SUSD1: variants seen among roughly 807,000 people sequenced by gnomAD.
SUSD1 encodes the protein sushi domain containing 1.
A neutral mutation model predicts 86.9 loss-of-function variants in SUSD1; 65 were observed. That is an observed-to-expected ratio of 0.75 (90% CI 0.61 to 0.92). SUSD1 has a LOEUF of 0.92. Among genes scored for constraint, SUSD1 ranks in the 40% least tolerant of loss-of-function variants. The pLI is 0.00. For missense variants in SUSD1, 850 were observed against 929.7 expected (o/e 0.91, Z 1.11); for synonymous variants, 346 against 350.0 (o/e 0.99, Z 0.13).
chr9:112,117,855 C>T (rs1831393385), intron 6 of SUSD1, among the ~76,000 whole-genome samples: 1 of 152,122 alleles, frequency 6.6e-6, no homozygotes. Context: ...AGAATGACAG[C>T]TGAAACTGGA....
intron 10 of SUSD1, among the ~76,000 whole-genome samples, chr9:112,086,518 GAA>G (rs769968031): frequency 2.4e-4 from 35 of 144,192 alleles, no homozygotes; most frequent in Non-Finnish European, 3.6e-4. Flanking sequence ...AAGAAAGAAA[GAA>G]AGAGAGAGAG....
Position 112,134,768 on chromosome 9 carries a change from T to A in SUSD1, c.706+7552A>T, listed in dbSNP as rs532424993. Among the ~76,000 whole-genome samples the A allele has an allele frequency of 5.6e-3, 808 of 143,314 alleles. 7 individuals carry two copies. Among genetic ancestry groups the A allele is most frequent in the African/African-American group, 0.018 (712 of 38,750 alleles). The allele number at this position is 143,314 out of a possible 152,430, so 94.0% of individuals were successfully genotyped here. On this transcript the variant is annotated intron_variant, in intron 5 of 16. Coordinates refer to ENST00000374270, the MANE Select transcript of SUSD1 (RefSeq NM_022486.5). ...ATCTAAAATAAAAGTTGAAATTATT[T>A]AAAAAAAAAAAAAATGTGGCCAGGC...
At chr9:112,121,902 G>C (rs532483318) in intron 6 of SUSD1, among the ~76,000 whole-genome samples, 1 of 152,224 alleles carries the variant, frequency 6.6e-6, no homozygotes, top group South Asian at 2.1e-4. Context: ...AATGAATCAT[G>C]TAGAAGTACA....
At position 112,080,080 on chromosome 9, in the gene SUSD1, C is replaced by G; in HGVS notation, c.1560G>C (p.Met520Ile). 6.2e-7 allele frequency: 1 copy of G among 1,610,930 alleles called. No individual in the cohort carries two copies. Among genetic ancestry groups the G allele is most frequent in the Non-Finnish European group, 8.5e-7 (1 of 1,177,282 alleles). Residue 520 changes from methionine (M) to isoleucine (I), a missense_variant, in exon 11 of 17, where the codon ATG becomes ATC. By Grantham distance (10) the Met-to-Ile change is conservative. Coordinates refer to ENST00000374270, the MANE Select transcript of SUSD1 (RefSeq NM_022486.5). ...RSIKTADMEE[M>I]YLFHIWGQRW... Reference sequence around the variant, plus strand: ...GTAACTTTCAGTCACTTACTAAATACATCTCCTCCATATCAGCTGTCTTGA... The same window carrying G: ...GTAACTTTCAGTCACTTACTAAATAGATCTCCTCCATATCAGCTGTCTTGA...
At chr9:112,162,358 T>C (rs1327607384) in intron 1 of SUSD1, among the ~76,000 whole-genome samples, 1 of 152,206 alleles carries the variant, frequency 6.6e-6, no homozygotes, top group African/African-American at 2.4e-5. Context: ...AAATTTCTCA[T>C]GATGCCATTG....
intron 5 of SUSD1, among the ~76,000 whole-genome samples, chr9:112,130,491 AGAGGAGAAGGAAAGGAGAGGG>A (rs1831974480): frequency 1.4e-5 from 2 of 147,256 alleles, no homozygotes; most frequent in Non-Finnish European, 3.0e-5. Flanking sequence ...AAGGAGAGGG[AGAGGAGAAGGAAAGGAGAGGG>A]AAGGAAAAGA....
At chr9:112,072,140 C>CTTTTTTTTTTTTTTTTTTTT in intron 12 of SUSD1, among the ~76,000 whole-genome samples, 40 of 121,170 alleles carry the variant, frequency 3.3e-4, no homozygotes, top group East Asian at 5.2e-4. Flanking sequence ...CTTTCTTTCT[C>CTTTTTTTTTTTTTTTTTTTT]TTTTTTTTTT....
chr9:112,132,058 C>T (rs1832056928), intron 5 of SUSD1, among the ~76,000 whole-genome samples: 1 of 152,102 alleles, frequency 6.6e-6, no homozygotes, highest in Non-Finnish European at 1.5e-5. Context: ...AGGAAATATT[C>T]CAGAAGGAAA....
At chr9:112,152,247 TTAGCTTACTG>T (rs896544206) in intron 2 of SUSD1, among the ~76,000 whole-genome samples, 82 of 152,164 alleles carry the variant, frequency 5.4e-4, no homozygotes, top group Non-Finnish European at 8.4e-4. Flanking sequence ...TAAATTAACT[TTAGCTTACTG>T]TAGCTTTTTT....
chr9:112,169,927 A>C lies in SUSD1; in HGVS notation c.103+5206T>G, dbSNP rs577468320. On this transcript the variant is annotated intron_variant, in intron 1 of 16. Coordinates refer to ENST00000374270, the MANE Select transcript of SUSD1 (RefSeq NM_022486.5). ...TGACCTCAGGTGATCCATCCACCCCAATCTCCCAAAGTGCTGGGATTATAG... is the reference window on the plus strand; with the variant it reads ...TGACCTCAGGTGATCCATCCACCCCCATCTCCCAAAGTGCTGGGATTATAG... Among the ~76,000 whole-genome samples the C allele has an allele frequency of 4.6e-5, 7 of 152,184 alleles. No individual in the cohort carries two copies. In the South Asian group the frequency reaches 1.2e-3, roughly 27 times the overall value.
chr9:112,063,030 G>A lies in SUSD1; in HGVS notation c.1757C>T (p.Pro586Leu). The A allele has an allele frequency of 6.2e-7, 1 of 1,607,948 alleles. No individual in the cohort carries two copies. The highest frequency in any genetic ancestry group is 8.5e-7 in the Non-Finnish European group (1 of 1,174,516). Residue 586 changes from proline (P) to leucine (L), a missense_variant, in exon 13 of 17, where the codon CCT (proline) becomes CTT (leucine). Coordinates refer to ENST00000374270, the MANE Select transcript of SUSD1 (RefSeq NM_022486.5). ...AAAAAATTCTACTTCCGGGAGGGGA[G>A]GCTCTGAAAACATGTTGAAAAGAAG... ...VISLTTQITEPPLPEVEFFTV... is the reference protein window; with the variant it reads ...VISLTTQITELPLPEVEFFTV...
intron 6 of SUSD1, among the ~76,000 whole-genome samples, chr9:112,118,699 G>C (rs943552993): frequency 2.0e-5 from 3 of 152,092 alleles, no homozygotes; most frequent in Admixed American, 2.0e-4. Flanking sequence ...TGGCCAGGCT[G>C]GTCTCAAATT....
chr9:112,051,611 A>G (rs1828216645), intron 15 of SUSD1, among the ~76,000 whole-genome samples: 1 of 151,412 alleles, frequency 6.6e-6, no homozygotes, highest in Non-Finnish European at 1.5e-5. Context: ...TTGTATTTTT[A>G]GTAGAGACAG....
At chr9:112,078,460 C>A in intron 12 of SUSD1, 78 bp downstream of exon 12, 1 of 1,383,566 alleles carries the variant, frequency 7.2e-7, no homozygotes. Context: ...TAAAAAGCAA[C>A]AGTGTTCCTC....
intron 8 of SUSD1, among the ~76,000 whole-genome samples, chr9:112,106,275 G>C (rs1167662007): frequency 4.0e-5 from 6 of 151,348 alleles, no homozygotes; most frequent in African/African-American, 1.2e-4. Context: ...ACCTGGCCAG[G>C]ATTTTTTTTT....
intron 15 of SUSD1, among the ~76,000 whole-genome samples, chr9:112,045,747 C>A (rs991416581): frequency 6.6e-6 from 1 of 152,212 alleles, no homozygotes; most frequent in Non-Finnish European, 1.5e-5. Flanking sequence ...CATCTCTAGT[C>A]CTCTTACATC....
intron 5 of SUSD1, among the ~76,000 whole-genome samples, chr9:112,135,678 CCTT>C (rs1470283882): frequency 3.7e-4 from 56 of 152,078 alleles, no homozygotes; most frequent in Non-Finnish European, 8.8e-5. Flanking sequence ...GAACTTTAGA[CCTT>C]CTCATTTTAT....
chr9:112,123,854 G>T (rs555789038), intron 6 of SUSD1, among the ~76,000 whole-genome samples: 68 of 152,194 alleles, frequency 4.5e-4, no homozygotes, highest in Non-Finnish European at 5.0e-4. Context: ...TATGTTTTTT[G>T]TGTGTTAACA....
intron 5 of SUSD1, 24 bp downstream of exon 5, chr9:112,142,295 GA>G: frequency 6.5e-7 from 1 of 1,526,738 alleles, no homozygotes; most frequent in South Asian, 1.3e-5. Context: ...TATGAATTGG[GA>G]ACCTGTATTT....
Sources: allele counts gnomAD v4.1 joint callset (sites outside exome capture counted in the v4.1 genomes callset), GRCh38; gene constraint gnomAD v4.1.1; transcripts MANE v1.5; gene names NCBI Gene and HGNC (gene_info 2026-07-23, HGNC 2026-07-21).